Variants in SAMMSON observed in about 807,000 individuals in gnomAD.
SAMMSON encodes survival associated mitochondrial melanoma specific oncogenic non-coding RNA, also known as long intergenic non-protein coding RNA 1212.
chr3:70,224,562 C>G (rs190296522), intron 4 of SAMMSON, among the ~76,000 whole-genome samples: 1 of 152,220 alleles, frequency 6.6e-6, no homozygotes, highest in African/African-American at 2.4e-5. Flanking sequence ...CTATAATTTC[C>G]GCAATGCTCA....
chr3:70,266,323 G>A (rs1441197032), intron 6 of SAMMSON, among the ~76,000 whole-genome samples: 1 of 151,914 alleles, frequency 6.6e-6, no homozygotes, highest in Non-Finnish European at 1.5e-5. Flanking sequence ...ACACTGTTTT[G>A]ATTAAACTGT....
At chr3:70,246,122 G>T (rs1474797281) in intron 4 of SAMMSON, among the ~76,000 whole-genome samples, 2 of 151,828 alleles carry the variant, frequency 1.3e-5, no homozygotes, top group African/African-American at 2.4e-5. Context: ...ACAGATATAT[G>T]CAGATGCTTC....
intron 4 of SAMMSON, among the ~76,000 whole-genome samples, chr3:70,184,547 T>C (rs1489457989): frequency 6.6e-6 from 1 of 152,242 alleles, no homozygotes; most frequent in Non-Finnish European, 1.5e-5. Flanking sequence ...TTTTGATAGT[T>C]AACACGTATC....
chr3:70,401,019 T>C (rs1026906395), intron 2 of SAMMSON, among the ~76,000 whole-genome samples: 1 of 152,200 alleles, frequency 6.6e-6, no homozygotes, highest in Admixed American at 6.6e-5. Context: ...ATAATCATTT[T>C]ATAGTACAGT....
intron 4 of SAMMSON, among the ~76,000 whole-genome samples, chr3:70,159,321 C>A (rs560517392): frequency 8.6e-5 from 13 of 151,780 alleles, no homozygotes; most frequent in Non-Finnish European, 1.9e-4. Flanking sequence ...GCTATCCCTC[C>A]CCCATCCCCC....
At chr3:70,016,498 A>G (rs1329649559) in intron 3 of SAMMSON, among the ~76,000 whole-genome samples, 3 of 152,056 alleles carry the variant, frequency 2.0e-5, no homozygotes, top group Non-Finnish European at 4.4e-5. Flanking sequence ...CCTTTGTCAG[A>G]TGAGTAGATT....
chr3:70,119,186 C>A (rs2067423139), intron 4 of SAMMSON, among the ~76,000 whole-genome samples: 1 of 152,138 alleles, frequency 6.6e-6, no homozygotes, highest in African/African-American at 2.4e-5. Flanking sequence ...CCTACCTCAG[C>A]CTCCTGAGTA....
chr3:70,168,474 G>A (rs1383916772), intron 4 of SAMMSON, among the ~76,000 whole-genome samples: 1 of 151,998 alleles, frequency 6.6e-6, no homozygotes, highest in East Asian at 1.9e-4. Flanking sequence ...TTCATTGAAA[G>A]TATGCATTGG....
intron 4 of SAMMSON, among the ~76,000 whole-genome samples, chr3:70,193,286 C>A (rs1701145818): frequency 1.3e-5 from 2 of 151,998 alleles, no homozygotes; most frequent in Non-Finnish European, 2.9e-5. Context: ...TAATTTTAGT[C>A]CCATATTAAT....
chr3:70,128,904 A>C (rs976090544), intron 4 of SAMMSON, among the ~76,000 whole-genome samples: 3 of 152,210 alleles, frequency 2.0e-5, no homozygotes, highest in African/African-American at 7.2e-5. Flanking sequence ...AAAGTATGAA[A>C]AATTTAGAGA....
At chr3:70,289,024 CTG>C (rs1284905247) in intron 6 of SAMMSON, among the ~76,000 whole-genome samples, 9 of 152,234 alleles carry the variant, frequency 5.9e-5, no homozygotes, top group Admixed American at 5.9e-4. Context: ...GTTTGCCAGT[CTG>C]TGTCTTTTAA....
At chr3:70,293,044 G>GT (rs1702253707) in intron 7 of SAMMSON, among the ~76,000 whole-genome samples, 1 of 22,862 alleles carries the variant, frequency 4.4e-5, no homozygotes, top group Non-Finnish European at 8.4e-5. Context: ...GTGGTTTGAA[G>GT]CAAAAAAAAA....
intron 7 of SAMMSON, among the ~76,000 whole-genome samples, chr3:70,295,812 T>C (rs1238390950): frequency 6.6e-6 from 1 of 152,226 alleles, no homozygotes; most frequent in African/African-American, 2.4e-5. Context: ...ATGTTGCATT[T>C]TGGTGTAATT....
chr3:70,266,483 C>T (rs1379047324), intron 6 of SAMMSON, among the ~76,000 whole-genome samples: 2 of 152,036 alleles, frequency 1.3e-5, no homozygotes, highest in Non-Finnish European at 2.9e-5. Flanking sequence ...AGTAGTGGCA[C>T]AATCATGGCT....
chr3:70,200,304 T>A (rs1042483432), intron 4 of SAMMSON, among the ~76,000 whole-genome samples: 2 of 152,188 alleles, frequency 1.3e-5, no homozygotes, highest in African/African-American at 4.8e-5. Context: ...ACTCTCCCCT[T>A]AGAGAAAAGT....
chr3:70,375,138 C>T (rs1394867758), intron 9 of SAMMSON, among the ~76,000 whole-genome samples: 1 of 151,882 alleles, frequency 6.6e-6, no homozygotes, highest in Non-Finnish European at 1.5e-5. Flanking sequence ...AGTGGAAGGC[C>T]CCTCAATTTT....
At chr3:70,085,143 C>T (rs2067280848) in intron 4 of SAMMSON, among the ~76,000 whole-genome samples, 1 of 152,088 alleles carries the variant, frequency 6.6e-6, no homozygotes, top group South Asian at 2.1e-4. Flanking sequence ...GAGTGGGCAC[C>T]TTTTCCAACT....
intron 6 of SAMMSON, among the ~76,000 whole-genome samples, chr3:70,266,393 C>T (rs1390946855): frequency 6.6e-6 from 1 of 151,690 alleles, no homozygotes; most frequent in Non-Finnish European, 1.5e-5. Flanking sequence ...CTCTACTTAT[C>T]ATAGAGATAT....
intron 6 of SAMMSON, among the ~76,000 whole-genome samples, chr3:70,267,148 A>G (rs1317897315): frequency 6.6e-6 from 1 of 152,144 alleles, no homozygotes; most frequent in African/African-American, 2.4e-5. Flanking sequence ...TTCTATTTTT[A>G]TAAATTTTCT....
Sources: gnomAD v4.1 joint callset for allele counts (sites outside exome capture counted in the v4.1 genomes callset) on GRCh38, gnomAD v4.1.1 for gene constraint, MANE v1.5 for transcripts, NCBI Gene and HGNC (gene_info 2026-07-23, HGNC 2026-07-21) for gene names.